The following TSPAN15 variants were observed in gnomAD, a reference collection of about 807,000 sequenced individuals.
TSPAN15 encodes the protein tetraspanin-15.
In TSPAN15, 20 loss-of-function variants were observed where a neutral mutation model predicts 34.5. The ratio of observed to expected loss-of-function variants is 0.58; its 90% CI spans 0.41 to 0.84. The LOEUF (loss-of-function observed/expected upper bound fraction) is 0.84. TSPAN15 is among the 40% of genes least tolerant of loss of function. The pLI is 0.00. For synonymous variants in TSPAN15, 155 were observed against 153.9 expected (o/e 1.01, Z -0.05); for missense variants, 313 against 386.1 (o/e 0.81, Z 1.59).
the TSPAN15 span, among the ~76,000 whole-genome samples, chr10:69,547,263 A>G: frequency 6.6e-6 from 1 of 151,794 alleles, no homozygotes; most frequent in African/African-American, 2.4e-5. Flanking sequence ...TTCATCTTCC[A>G]TGTGCTATGC....
chr10:69,469,112 C>CT (rs57899787), intron 1 of TSPAN15, among the ~76,000 whole-genome samples: 82 of 142,270 alleles, frequency 5.8e-4, no homozygotes, highest in South Asian at 6.7e-4. Flanking sequence ...CTATGTAAAA[C>CT]TTTTTTTTTT....
intron 2 of TSPAN15, chr10:69,484,164 A>G: frequency 3.2e-6 from 1 of 317,198 alleles, no homozygotes; most frequent in East Asian, 5.4e-5. Flanking sequence ...AGCAAAGACA[A>G]AAAAAGGAGA....
rs1444244706 is a variant in TSPAN15 at position 69,457,206 on chromosome 10, C to T, written c.96+5516C>T. On this transcript the variant is annotated intron_variant, in intron 1 of 7. Coordinates refer to ENST00000373290, the MANE Select transcript of TSPAN15 (RefSeq NM_012339.5). Reference sequence around the variant, plus strand: ...CCCAGAGGTCAGGATTGTAGTTCATCCATATCCTCCTCTGAATGCTGCCCC... The same window carrying T: ...CCCAGAGGTCAGGATTGTAGTTCATTCATATCCTCCTCTGAATGCTGCCCC... Among the ~76,000 whole-genome samples the T allele has an allele frequency of 2.0e-5, 3 of 152,196 alleles. No homozygotes were observed. The East Asian group carries it at 5.8e-4, about 29-fold the overall frequency.
At chr10:69,523,799 T>C in the TSPAN15 span, 22 of 149,252 alleles carry the variant, frequency 1.5e-4, no homozygotes, top group African/African-American at 5.4e-4. Flanking sequence ...ATGGTTTTGA[T>C]TACTGTAGCT....
At chr10:69,489,575 C>T (rs919694247) in intron 3 of TSPAN15, among the ~76,000 whole-genome samples, 1 of 152,208 alleles carries the variant, frequency 6.6e-6, no homozygotes, top group African/African-American at 2.4e-5. Flanking sequence ...CCCTGACTTC[C>T]CGCAACAATT....
chr10:69,452,137 C>G (rs1840986042), intron 1 of TSPAN15, among the ~76,000 whole-genome samples: 1 of 152,222 alleles, frequency 6.6e-6, no homozygotes, highest in African/African-American at 2.4e-5. Flanking sequence ...TTGCTGATGC[C>G]CCTGAGCGAG....
At position 69,480,295 on chromosome 10, in the gene TSPAN15, G is replaced by A. The variant is rs532475767; in HGVS notation, c.97-3396G>A. On this transcript the variant is annotated intron_variant, in intron 1 of 7. Transcript: ENST00000373290. ...AACAGGATGGGGGCAGGGGAATGGGGAAGGATGTCAGCTGTCCCCATCCTG... is the reference window on the plus strand; with the variant it reads ...AACAGGATGGGGGCAGGGGAATGGGAAAGGATGTCAGCTGTCCCCATCCTG... 2.0e-5 allele frequency among the ~76,000 whole-genome samples: 3 copies of A among 152,220 alleles called. No individual in the cohort carries two copies. In the East Asian group the frequency reaches 5.8e-4, roughly 29 times the overall value.
intron 3 of TSPAN15, among the ~76,000 whole-genome samples, chr10:69,490,627 A>G (rs1020005489): frequency 1.3e-5 from 2 of 152,240 alleles, no homozygotes; most frequent in Non-Finnish European, 2.9e-5. Context: ...AGGCTGAGGC[A>G]GGAGAATTGC....
chr10:69,463,301 G>A (rs959873433), intron 1 of TSPAN15, among the ~76,000 whole-genome samples: 9 of 152,182 alleles, frequency 5.9e-5, no homozygotes, highest in Admixed American at 2.0e-4. Context: ...GTGATCTCCA[G>A]GTCAGTGAAC....
intron 5 of TSPAN15, among the ~76,000 whole-genome samples, chr10:69,504,189 AG>A (rs5785920): frequency 0.39 from 59,767 of 151,728 alleles, 12,226 homozygotes; most frequent in African/African-American, 0.5. Context: ...CTGCTAGTGG[AG>A]GGGTGGTTCT....
chr10:69,485,369 G>A (rs1841830586), intron 3 of TSPAN15, among the ~76,000 whole-genome samples, 154 bp downstream of exon 3: 1 of 152,202 alleles, frequency 6.6e-6, no homozygotes, highest in Non-Finnish European at 1.5e-5. Context: ...AACAAGTAAA[G>A]CAGCGACTAA....
chr10:69,486,671 G>A (rs1433036472), intron 3 of TSPAN15, among the ~76,000 whole-genome samples: 1 of 152,220 alleles, frequency 6.6e-6, no homozygotes, highest in Non-Finnish European at 1.5e-5. Context: ...GGGTTGTGCA[G>A]ACCTCTCAGA....
chr10:69,522,187 T>C, the TSPAN15 span, among the ~76,000 whole-genome samples: 19 of 146,214 alleles, frequency 1.3e-4, 3 homozygotes, highest in African/African-American at 4.2e-4. Flanking sequence ...GGCAAAACCC[T>C]GTCTCTACTA....
the TSPAN15 span, among the ~76,000 whole-genome samples, chr10:69,539,482 G>GAGAAGAAA: frequency 6.0e-5 from 4 of 67,030 alleles, no homozygotes; most frequent in Non-Finnish European, 1.2e-4. Context: ...GAAGGAGAAG[G>GAGAAGAAA]AGAAGAAGAA....
At chr10:69,460,255 G>C (rs1028692529) in intron 1 of TSPAN15, among the ~76,000 whole-genome samples, 1 of 152,030 alleles carries the variant, frequency 6.6e-6, no homozygotes, top group African/African-American at 2.4e-5. Context: ...ATGGCACACT[G>C]TCAGAAGCAC....
At position 69,455,590 on chromosome 10, in the gene TSPAN15, CTCTT is replaced by C. The variant is rs749957203; in HGVS notation, c.96+3916_96+3919del. On this transcript the variant is annotated intron_variant, in intron 1 of 7. Coordinates refer to ENST00000373290, the MANE Select transcript of TSPAN15 (RefSeq NM_012339.5). ...TTCTTTCTCTTTTCTTTCTTTCTTT[CTCTT>C]TCTTTCTTTCTTTCTCTCTCTCTCT... is the stretch of plus-strand genomic sequence containing the variant. 1.2e-3 allele frequency among the ~76,000 whole-genome samples: 132 copies of C among 106,862 alleles called. 6 individuals are homozygous for C. The highest frequency in any genetic ancestry group is 3.9e-3 in the African/African-American group (106 of 27,154). The allele number at this position is 106,862 out of a possible 152,430, so 70.1% of individuals were successfully genotyped here.
chr10:69,494,425 A>G (rs1012530059), intron 3 of TSPAN15, among the ~76,000 whole-genome samples: 3 of 152,214 alleles, frequency 2.0e-5, no homozygotes, highest in East Asian at 3.9e-4. Context: ...CAACATCCCT[A>G]TGAGGCAGAG....
At chr10:69,477,439 C>T (rs769882934) in intron 1 of TSPAN15, among the ~76,000 whole-genome samples, 2 of 152,168 alleles carry the variant, frequency 1.3e-5, no homozygotes, top group African/African-American at 2.4e-5. Context: ...TGGGCTCTAC[C>T]TTCAGAAAGG....
rs1301674373 is a variant in TSPAN15, at chr10:69,485,170, C to G, written c.312C>G (p.Ile104Met). The G allele has an allele frequency of 4.3e-6, 7 of 1,614,168 alleles. No homozygotes were observed. Among genetic ancestry groups the G allele is most frequent in the South Asian group, 1.1e-5 (1 of 91,080 alleles). The part of the protein sequence containing the change: ...AFMYILGICL[I>M]MELIGGVVAL... ...TGTACATCCTTGGGATCTGCCTCAT[C>G]ATGGAGCTCATTGGTGGCGTGGTGG... is the stretch of plus-strand genomic sequence containing the variant. Residue 104 changes from isoleucine to methionine, a missense_variant, in exon 3 of 8, where the codon ATC (isoleucine) becomes ATG (methionine). Coordinates refer to ENST00000373290, the MANE Select transcript of TSPAN15 (RefSeq NM_012339.5).
Sources: gnomAD v4.1 joint callset for allele counts (sites outside exome capture counted in the v4.1 genomes callset) on GRCh38, gnomAD v4.1.1 for gene constraint, MANE v1.5 for transcripts, NCBI Gene and HGNC (gene_info 2026-07-23, HGNC 2026-07-21) for gene names.